Variants in HMG20A observed in about 807,000 individuals in gnomAD.
HMG20A encodes the protein high mobility group protein 20A.
A neutral mutation model predicts 43.9 loss-of-function variants in HMG20A; 17 were observed. That is an observed-to-expected ratio of 0.39 (90% confidence interval 0.27 to 0.58). The LOEUF (loss-of-function observed/expected upper bound fraction) is 0.58. Among genes scored for constraint, HMG20A ranks in the 20% least tolerant of loss-of-function variants. The probability of loss-of-function intolerance (pLI) is 0.59; values close to 1 mark genes in which losing one functional copy is unlikely to be tolerated. For missense variants in HMG20A, 341 were observed against 438.2 expected (o/e 0.78, Z 1.98); for synonymous variants, 132 against 147.5 (o/e 0.89, Z 0.76).
intron 1 of HMG20A, among the ~76,000 whole-genome samples, chr15:77,428,124 G>GTTGTT (rs1156429867): frequency 6.6e-6 from 1 of 152,182 alleles, no homozygotes; most frequent in Admixed American, 6.5e-5. Context: ...GATGTTGTTT[G>GTTGTT]TTGTTTTGTT....
At chr15:77,468,310 C>T (rs1050947354) in intron 4 of HMG20A, among the ~76,000 whole-genome samples, 4 of 151,806 alleles carry the variant, frequency 2.6e-5, no homozygotes, top group African/African-American at 9.7e-5. Context: ...AATGTATAAA[C>T]AAAAATGTAA....
At chr15:77,458,209 A>G in intron 1 of HMG20A, 195 bp from the exon 2 acceptor site, 2 of 443,818 alleles carry the variant, frequency 4.5e-6, no homozygotes, top group Admixed American at 3.8e-5. Flanking sequence ...TGGTCAGTTG[A>G]TAAGACCAAG....
chr15:77,425,524 A>C (rs1230169870), intron 1 of HMG20A, among the ~76,000 whole-genome samples: 1 of 152,212 alleles, frequency 6.6e-6, no homozygotes. Context: ...AGGGTGTCAG[A>C]TAAGCATATA....
At chr15:77,458,644 A>C in intron 2 of HMG20A, 148 bp downstream of exon 2, 1 of 529,318 alleles carries the variant, frequency 1.9e-6, no homozygotes, top group Non-Finnish European at 3.4e-6. Context: ...CAGCCATCAT[A>C]AACCACTTTG....
chr15:77,460,311 A>T (rs2072693760), intron 2 of HMG20A, among the ~76,000 whole-genome samples: 1 of 152,216 alleles, frequency 6.6e-6, no homozygotes, highest in Non-Finnish European at 1.5e-5. Flanking sequence ...GAAAGAAAGG[A>T]TGAGCACAAT....
chr15:77,504,925 G>A, the HMG20A span, among the ~76,000 whole-genome samples: 4 of 152,204 alleles, frequency 2.6e-5, no homozygotes, highest in East Asian at 5.8e-4. Context: ...GCCATGACAT[G>A]TCTGCTGTAT....
At chr15:77,515,025 G>C in the HMG20A span, among the ~76,000 whole-genome samples, 75 of 152,324 alleles carry the variant, frequency 4.9e-4, no homozygotes, top group Admixed American at 1.9e-3. Context: ...AGCATTTCCT[G>C]AGATGGGGAA....
the HMG20A span, among the ~76,000 whole-genome samples, chr15:77,514,809 T>C: frequency 2.0e-5 from 3 of 152,054 alleles, no homozygotes; most frequent in African/African-American, 7.3e-5. Flanking sequence ...GGGGCCCGAG[T>C]CGGGGCAGGC....
At chr15:77,428,418 A>G (rs1479571858) in intron 1 of HMG20A, among the ~76,000 whole-genome samples, 1 of 152,236 alleles carries the variant, frequency 6.6e-6, no homozygotes. Context: ...TTAAAGTCTG[A>G]CATAAGATTC....
At chr15:77,514,745 T>C in the HMG20A span, among the ~76,000 whole-genome samples, 1 of 152,206 alleles carries the variant, frequency 6.6e-6, no homozygotes, top group East Asian at 1.9e-4. Context: ...AGCGACATAA[T>C]CACATTGCAT....
At chr15:77,437,843 G>A (rs1490467918) in intron 1 of HMG20A, among the ~76,000 whole-genome samples, 1 of 152,094 alleles carries the variant, frequency 6.6e-6, no homozygotes, top group South Asian at 2.1e-4. Flanking sequence ...CAAAGTGTTG[G>A]GATTACATGT....
chr15:77,425,599 A>G lies in HMG20A; in HGVS notation c.-5+4595A>G, dbSNP rs561532103. ...CTCTGCTCCTCAATTTAATTGGAAA[A>G]AAGTAAATTGTTACTAATATCTGCA... On this transcript the variant is annotated intron_variant, in intron 1 of 9. Coordinates refer to ENST00000336216, the MANE Select transcript of HMG20A (RefSeq NM_001304504.2). 3.3e-5 allele frequency among the ~76,000 whole-genome samples: 5 copies of G among 150,930 alleles called. No homozygotes were observed. In the East Asian group the frequency reaches 9.6e-4, roughly 29 times the overall value.
intron 2 of HMG20A, among the ~76,000 whole-genome samples, chr15:77,459,876 G>GTTC (rs998606545): frequency 6.6e-6 from 1 of 152,212 alleles, no homozygotes; most frequent in African/African-American, 2.4e-5. Flanking sequence ...GAGAATGCCA[G>GTTC]TTCTGCTGGT....
intron 2 of HMG20A, among the ~76,000 whole-genome samples, chr15:77,460,228 T>A (rs756036551): frequency 1.3e-5 from 2 of 152,052 alleles, no homozygotes; most frequent in Non-Finnish European, 2.9e-5. Flanking sequence ...GTTTCAAAGA[T>A]AATGGGAATG....
At chr15:77,498,008 ATCT>A in the HMG20A span, among the ~76,000 whole-genome samples, 1 of 152,140 alleles carries the variant, frequency 6.6e-6, no homozygotes, top group Non-Finnish European at 1.5e-5. Flanking sequence ...GAAGATCTTT[ATCT>A]AGGTGGGAAA....
At chr15:77,489,711 A>G (rs1459351058), downstream of HMG20A, among the ~76,000 whole-genome samples, 3 of 152,298 alleles carry the variant, frequency 2.0e-5, no homozygotes, top group African/African-American at 7.2e-5. Flanking sequence ...GACAAAATTG[A>G]TTTGAAGGAG....
chr15:77,453,423 A>G, intron 1 of HMG20A, among the ~76,000 whole-genome samples: 1 of 152,140 alleles, frequency 6.6e-6, no homozygotes. Flanking sequence ...AAAAAAGATA[A>G]TACCAAGTGT....
the HMG20A span, among the ~76,000 whole-genome samples, chr15:77,515,021 T>C: frequency 6.6e-6 from 1 of 152,156 alleles, no homozygotes; most frequent in Non-Finnish European, 1.5e-5. Context: ...GTGAAGCATT[T>C]CCTGAGATGG....
At chr15:77,464,416 A>G in intron 3 of HMG20A, 29 bp downstream of exon 3, 1 of 1,608,146 alleles carries the variant, frequency 6.2e-7, no homozygotes, top group Admixed American at 1.7e-5. Context: ...TTCTGTTCCT[A>G]TCCTCTGAAA....
Sources: gnomAD v4.1 joint callset for allele counts (sites outside exome capture counted in the v4.1 genomes callset) on GRCh38, gnomAD v4.1.1 for gene constraint, MANE v1.5 for transcripts, NCBI Gene and HGNC (gene_info 2026-07-23, HGNC 2026-07-21) for gene names.